Variants in TIPIN observed in about 807,000 individuals in gnomAD.
TIPIN encodes TIMELESS interacting protein.
A neutral mutation model predicts 35.6 loss-of-function variants in TIPIN; 29 were observed. That is an observed-to-expected ratio of 0.82 (90% confidence interval 0.61 to 1.11). The LOEUF is 1.11. Among genes scored for constraint, TIPIN ranks in the 50% most tolerant of loss-of-function variants. The pLI is 0.00. For synonymous variants in TIPIN, 102 were observed against 121.5 expected, an observed-to-expected ratio of 0.84 and a Z score of 1.06; for missense variants, 296 against 345.4, an observed-to-expected ratio of 0.86 and a Z score of 1.13.
At chr15:66,351,673 T>C in intron 3 of TIPIN, 73 bp from the exon 4 acceptor site, 1 of 1,289,184 alleles carries the variant, frequency 7.8e-7, no homozygotes, top group Non-Finnish European at 1.1e-6. Context: ...AGTCTCACTC[T>C]GTCGCCCAGG....
At chr15:66,344,899 A>T (rs1158076016) in intron 6 of TIPIN, among the ~76,000 whole-genome samples, 3 of 152,166 alleles carry the variant, frequency 2.0e-5, no homozygotes, top group Non-Finnish European at 4.4e-5. Context: ...ATGAAATTTT[A>T]AAAAATTAGA....
chr15:66,356,676 C>G lies in TIPIN; in HGVS notation c.-46G>C, dbSNP rs891279420. On this transcript the variant is annotated 5_prime_UTR_variant, in exon 1 of 8. Transcript: ENST00000261881. ...ACACGGGACACAGCGCGGACCTCGG[C>G]GTGCAGACTAAGCGCGCTTCTCGCG... 1 of 985,524 alleles carries G rather than the reference C, an allele frequency of 1.0e-6. No homozygotes were observed. The highest frequency in any genetic ancestry group is 1.2e-6 in the Non-Finnish European group (1 of 830,108). The allele number at this position is 985,524 out of a possible 1,614,324, so 61.0% of individuals were successfully genotyped here. A position where few individuals can be genotyped will look rare whatever the true frequency, so the allele number is the denominator to read the frequency against.
chr15:66,362,011 C>T (rs536672229), intron 1 of TIPIN, among the ~76,000 whole-genome samples: 4 of 147,690 alleles, frequency 2.7e-5, no homozygotes, highest in African/African-American at 5.0e-5. Context: ...TGAGGCTGGG[C>T]GCGGTGGCTC....
intron 1 of TIPIN, among the ~76,000 whole-genome samples, chr15:66,384,902 A>C (rs556202055): frequency 6.6e-6 from 1 of 152,244 alleles, no homozygotes; most frequent in East Asian, 1.9e-4. Context: ...AAAAGAGCAA[A>C]ACGCCACTCA....
upstream of TIPIN, among the ~76,000 whole-genome samples, chr15:66,357,584 A>G (rs1364474784): frequency 1.1e-5 from 1 of 94,188 alleles, no homozygotes; most frequent in Non-Finnish European, 1.9e-5. Context: ...GGTGACAGTG[A>G]GATCTTGTCG....
chr15:66,348,507 T>TAAAAAA (rs386383314), intron 6 of TIPIN: 3 of 95,190 alleles, frequency 3.2e-5, no homozygotes, highest in East Asian at 3.1e-4. Flanking sequence ...CCATCTCTAC[T>TAAAAAA]AAAAAAAAAA....
chr15:66,355,893 C>G (rs1340142324), intron 1 of TIPIN, among the ~76,000 whole-genome samples: 1 of 152,162 alleles, frequency 6.6e-6, no homozygotes, highest in Non-Finnish European at 1.5e-5. Context: ...ATTAAGTGTA[C>G]TCAGGAACTG....
intron 6 of TIPIN, among the ~76,000 whole-genome samples, chr15:66,342,641 A>G (rs12915762): frequency 0.99 from 150,353 of 152,352 alleles, 74,217 homozygotes; most frequent in East Asian, 1. Flanking sequence ...TGAGATTACA[A>G]GCGTGAGCCA....
chr15:66,356,600 C>T (rs955629110), intron 1 of TIPIN, 39 bp downstream of exon 1: 5 of 986,430 alleles, frequency 5.1e-6, no homozygotes, highest in African/African-American at 1.7e-5. Context: ...ACTCCCCTCT[C>T]CCCGCAAGAA....
chr15:66,351,650 T>TC lies in TIPIN; in HGVS notation c.213-51_213-50insG, dbSNP rs1003497394. On this transcript the variant is annotated intron_variant, in intron 3 of 7. Transcript: ENST00000261881. ...TTTCAAGTTTTATTTTCTTTTTTTT[T>TC]TTTTTGAGACGGAGTCTCACTCTGT... is the stretch of plus-strand genomic sequence containing the variant. 2.6e-6 allele frequency: 4 copies of TC among 1,517,192 alleles called. No homozygotes were observed. The African/African-American group carries it at 5.7e-5, about 22-fold the overall frequency. 94.0% of individuals were successfully genotyped at this position (1,517,192 alleles called of 1,614,324 possible). A position where few individuals can be genotyped will look rare whatever the true frequency, so the allele number is the denominator to read the frequency against.
At chr15:66,338,897 C>T (rs575237774) in intron 7 of TIPIN, among the ~76,000 whole-genome samples, 1 of 149,584 alleles carries the variant, frequency 6.7e-6, no homozygotes, top group Non-Finnish European at 1.5e-5. Context: ...CTTTGGGAGG[C>T]TGAGGCAGGC....
intron 1 of TIPIN, chr15:66,379,375 CAT>C (rs1265992598): frequency 6.3e-7 from 1 of 1,598,352 alleles, no homozygotes; most frequent in African/African-American, 1.3e-5. Flanking sequence ...TTTTCAGAGA[CAT>C]AGATACCATT....
At chr15:66,364,285 C>T (rs2093244549) in intron 1 of TIPIN, among the ~76,000 whole-genome samples, 1 of 151,108 alleles carries the variant, frequency 6.6e-6, no homozygotes, top group South Asian at 2.1e-4. Context: ...CCTGTCTCAG[C>T]CTCCCAAGGA....
At chr15:66,356,591 C>G in intron 1 of TIPIN, 48 bp downstream of exon 1, 1 of 985,556 alleles carries the variant, frequency 1.0e-6, no homozygotes, top group Non-Finnish European at 1.2e-6. Context: ...GCTAGTCCGA[C>G]TCCCCTCTCC....
chr15:66,383,644 T>A (rs2093325817), intron 1 of TIPIN: 1 of 927,694 alleles, frequency 1.1e-6, no homozygotes, highest in East Asian at 1.2e-4. Flanking sequence ...AAGGACACAC[T>A]TCTACACACA....
intron 7 of TIPIN, among the ~76,000 whole-genome samples, chr15:66,340,572 T>C (rs2093079340): frequency 6.6e-6 from 1 of 152,128 alleles, no homozygotes; most frequent in Non-Finnish European, 1.5e-5. Context: ...TTATTAAGAA[T>C]TTAAAATCAA....
chr15:66,357,913 G>C (rs2093214135), upstream of TIPIN, among the ~76,000 whole-genome samples: 1 of 151,816 alleles, frequency 6.6e-6, no homozygotes, highest in African/African-American at 2.4e-5. Flanking sequence ...CTGAGATCAT[G>C]CCATTGCACT....
intron 1 of TIPIN, among the ~76,000 whole-genome samples, chr15:66,364,612 C>T (rs928576820): frequency 1.1e-4 from 17 of 151,990 alleles, no homozygotes; most frequent in South Asian, 2.1e-4. Flanking sequence ...TGGGGCATTC[C>T]GAATGAAGAC....
intron 1 of TIPIN, among the ~76,000 whole-genome samples, chr15:66,382,034 C>G (rs2093320440): frequency 6.6e-6 from 1 of 150,770 alleles, no homozygotes; most frequent in African/African-American, 2.4e-5. Flanking sequence ...CACTGCACTC[C>G]ACCTGGGCGA....
Sources: allele counts gnomAD v4.1 joint callset (sites outside exome capture counted in the v4.1 genomes callset), GRCh38; gene constraint gnomAD v4.1.1; transcripts MANE v1.5; gene names NCBI Gene and HGNC (gene_info 2026-07-23, HGNC 2026-07-21).